The following NTNG1 variants were observed in gnomAD, a reference collection of about 807,000 sequenced individuals.
NTNG1 encodes netrin-G1.
NTNG1 carries 16 observed loss-of-function variants against 54.0 expected under a neutral mutation model. That is an observed-to-expected ratio of 0.30 (90% CI 0.20 to 0.45). The LOEUF (loss-of-function observed/expected upper bound fraction) is 0.45. NTNG1 is among the 20% of genes least tolerant of loss of function. NTNG1 has a pLI of 1.00. For synonymous variants in NTNG1, 255 were observed against 263.1 expected, an observed-to-expected ratio of 0.97 and a Z score of 0.30; for missense variants, 530 against 678.7, an observed-to-expected ratio of 0.78 and a Z score of 2.43.
intron 2 of NTNG1, among the ~76,000 whole-genome samples, chr1:107,263,513 A>G (rs1424622975): frequency 6.6e-6 from 1 of 152,228 alleles, no homozygotes; most frequent in Non-Finnish European, 1.5e-5. Context: ...AGAATGTAGT[A>G]GGAAAGATAT....
At position 107,148,836 on chromosome 1, in the gene NTNG1, A is replaced by G; in HGVS notation, c.243A>G (p.Ala81=). 12 of 1,613,058 alleles carry G rather than the reference A, an allele frequency of 7.4e-6. No individual in the cohort carries two copies. Among genetic ancestry groups the G allele is most frequent in the Non-Finnish European group, 1.0e-5 (12 of 1,179,216 alleles). Residue 81 remains alanine (A), a synonymous_variant, in exon 2 of 8, where the codon GCA becomes GCG. Coordinates refer to ENST00000370068, the MANE Select transcript of NTNG1 (RefSeq NM_001113226.3). The part of the protein sequence containing the change: ...TCGDPPETFC[A]MGNPYMCNNE... ...GAGACCCTCCTGAGACGTTCTGTGC[A>G]ATGGTGAGGTAACCCTTTTGCATAA...
intron 2 of NTNG1, among the ~76,000 whole-genome samples, chr1:107,244,271 C>T (rs1431917785): frequency 6.6e-6 from 1 of 152,184 alleles, no homozygotes; most frequent in East Asian, 1.9e-4. Context: ...ATAGATACAA[C>T]TTAAAAGTTT....
At chr1:107,166,687 G>A (rs1655819590) in intron 2 of NTNG1, among the ~76,000 whole-genome samples, 1 of 151,992 alleles carries the variant, frequency 6.6e-6, no homozygotes, top group South Asian at 2.1e-4. Context: ...GTTTCAGGGA[G>A]TTTTTAATTT....
chr1:107,393,856 C>T (rs565117897), intron 3 of NTNG1, among the ~76,000 whole-genome samples: 49 of 152,246 alleles, frequency 3.2e-4, no homozygotes, highest in African/African-American at 1.1e-3. Context: ...GGAGTCTTAT[C>T]TTCCTACCTA....
intron 1 of NTNG1, among the ~76,000 whole-genome samples, chr1:107,142,182 A>C (rs978460983): frequency 5.9e-5 from 9 of 152,220 alleles, no homozygotes; most frequent in African/African-American, 1.7e-4. Context: ...ATCTATATAT[A>C]ATACAAATAA....
intron 3 of NTNG1, among the ~76,000 whole-genome samples, chr1:107,341,328 T>C (rs114241755): frequency 0.016 from 2,384 of 152,166 alleles, 37 homozygotes; most frequent in South Asian, 0.057. Flanking sequence ...TAATGTGCAC[T>C]TATCTGTCTT....
At chr1:107,186,014 C>T (rs1657434184) in intron 2 of NTNG1, among the ~76,000 whole-genome samples, 1 of 152,096 alleles carries the variant, frequency 6.6e-6, no homozygotes, top group Non-Finnish European at 1.5e-5. Flanking sequence ...TTGCATCCCT[C>T]GCCCTCACGC....
At chr1:107,176,334 A>T (rs987749570) in intron 2 of NTNG1, among the ~76,000 whole-genome samples, 12 of 152,208 alleles carry the variant, frequency 7.9e-5, no homozygotes, top group African/African-American at 2.7e-4. Context: ...AAATAAAAAT[A>T]TGCATTTTCA....
chr1:107,226,796 C>T (rs1346727126), intron 2 of NTNG1, among the ~76,000 whole-genome samples: 1 of 152,070 alleles, frequency 6.6e-6, no homozygotes, highest in Non-Finnish European at 1.5e-5. Flanking sequence ...GTTTCTTCCT[C>T]GCATGTTCTG....
chr1:107,359,619 C>A (rs752618732), intron 3 of NTNG1, among the ~76,000 whole-genome samples: 2 of 152,200 alleles, frequency 1.3e-5, no homozygotes, highest in African/African-American at 2.4e-5. Context: ...CAAGCTCCCC[C>A]ACCCCCAACA....
chr1:107,302,080 T>C (rs1415996336), intron 2 of NTNG1, among the ~76,000 whole-genome samples: 1 of 152,186 alleles, frequency 6.6e-6, no homozygotes, highest in Non-Finnish European at 1.5e-5. Flanking sequence ...CTTTCCCTTA[T>C]TTCCTAGGAC....
chr1:107,273,027 A>G (rs1447890827), intron 2 of NTNG1, among the ~76,000 whole-genome samples: 1 of 152,236 alleles, frequency 6.6e-6, no homozygotes, highest in African/African-American at 2.4e-5. Context: ...ATAAAGATGC[A>G]AAGATCAATA....
intron 2 of NTNG1, among the ~76,000 whole-genome samples, chr1:107,311,258 A>G (rs530817403): frequency 6.6e-6 from 1 of 152,236 alleles, no homozygotes; most frequent in African/African-American, 2.4e-5. Context: ...TACATTCTTC[A>G]TGTTCAGCTC....
chr1:107,430,621 G>GC, intron 5 of NTNG1, 129 bp from the exon 6 acceptor site: 1 of 913,860 alleles, frequency 1.1e-6, no homozygotes, highest in Non-Finnish European at 1.8e-6. Context: ...ACCATGTGTT[G>GC]TGTTGAATCA....
intron 4 of NTNG1, among the ~76,000 whole-genome samples, chr1:107,399,735 G>GAA (rs1672899689): frequency 6.6e-6 from 1 of 152,156 alleles, no homozygotes; most frequent in East Asian, 1.9e-4. Context: ...AGGGTTAAAG[G>GAA]GAGGATTTGA....
At chr1:107,262,124 T>G (rs1237667704) in intron 2 of NTNG1, among the ~76,000 whole-genome samples, 1 of 152,230 alleles carries the variant, frequency 6.6e-6, no homozygotes, top group Admixed American at 6.5e-5. Flanking sequence ...ACAAAGACTT[T>G]TTCTGATTTA....
chr1:107,261,119 T>A (rs534517311), intron 2 of NTNG1: 84 of 152,334 alleles, frequency 5.5e-4, no homozygotes, highest in African/African-American at 1.9e-3. Flanking sequence ...TTTTTAAAAA[T>A]TATTTGTTCT....
chr1:107,381,098 T>A (rs888326764), intron 3 of NTNG1, among the ~76,000 whole-genome samples: 3 of 152,040 alleles, frequency 2.0e-5, no homozygotes, highest in African/African-American at 7.2e-5. Context: ...GATTATGACA[T>A]CAGATAGGAC....
At chr1:107,233,863 C>T (rs12092923) in intron 2 of NTNG1, among the ~76,000 whole-genome samples, 4,309 of 152,140 alleles carry the variant, frequency 0.028, 169 homozygotes, top group African/African-American at 0.09. Context: ...ACCACCTTTC[C>T]TATCTCATGT....
Sources: gnomAD v4.1 joint callset for allele counts (sites outside exome capture counted in the v4.1 genomes callset) on GRCh38, gnomAD v4.1.1 for gene constraint, MANE v1.5 for transcripts, NCBI Gene and HGNC (gene_info 2026-07-23, HGNC 2026-07-21) for gene names.